ECH1: variants seen among roughly 807,000 people sequenced by gnomAD.
The protein encoded by ECH1 is delta(3,5)-Delta(2,4)-dienoyl-CoA isomerase, mitochondrial.
Under a neutral mutation model 37.0 loss-of-function variants are expected in ECH1, and 30 were observed. The ratio of observed to expected loss-of-function variants is 0.81; its 90% CI spans 0.61 to 1.10. The LOEUF (loss-of-function observed/expected upper bound fraction) is 1.10, where lower values mean the gene tolerates loss of function less well. ECH1 is among the 50% of genes least tolerant of loss of function. The pLI, the probability that ECH1 is intolerant of heterozygous loss-of-function variation, is 0.00. For missense variants in ECH1, 456 were observed against 441.6 expected (o/e 1.03, Z -0.29); for synonymous variants, 178 against 176.0 (o/e 1.01, Z -0.09).
At chr19:38,816,086 A>G (rs1294262369) in intron 8 of ECH1, 79 bp from the exon 9 acceptor site, 1 of 1,582,772 alleles carries the variant, frequency 6.3e-7, no homozygotes, top group African/African-American at 1.3e-5. Context: ...AGAAGTGGCC[A>G]CTCACAGAGG....
At position 38,825,905 on chromosome 19, in the gene ECH1, C is replaced by T. The variant is rs571519178; in HGVS notation, c.349+5173G>A. ...ATCCAACAACAGGACAGAGGGTGCC[C>T]GGGGCAAGCGCCAGCTCATGTCATC... On this transcript the variant is annotated intron_variant, in intron 3 of 9. Transcript: ENST00000221418. Among the ~76,000 whole-genome samples, 5 of 152,266 alleles carry T rather than the reference C, an allele frequency of 3.3e-5. No individual in the cohort carries two copies. The East Asian group carries it at 5.8e-4, about 18-fold the overall frequency.
At chr19:38,828,259 C>A (rs2145387191) in intron 3 of ECH1, among the ~76,000 whole-genome samples, 1 of 152,254 alleles carries the variant, frequency 6.6e-6, no homozygotes, top group Non-Finnish European at 1.5e-5. Context: ...GAGACAGAGT[C>A]TCGCTCTTGT....
Position 38,831,327 on chromosome 19 carries a change from A to G in ECH1, c.242T>C (p.Met81Thr), listed in dbSNP as rs761459364. The G allele has an allele frequency of 1.4e-5, 23 of 1,612,192 alleles. No individual in the cohort carries two copies. In the South Asian group the frequency reaches 2.2e-4, roughly 15 times the overall value. The change falls in exon 2 of 10, where the codon ATG (methionine) becomes ACG (threonine). Residue 81 changes from methionine to threonine, a missense_variant. Physicochemically the swap from Met to Thr is moderately conservative, Grantham distance 81. Coordinates refer to ENST00000221418, the MANE Select transcript of ECH1 (RefSeq NM_001398.3). Reference protein sequence around the residue: ...QLNRPNKRNAMNKVFWREMVE... With the variant: ...QLNRPNKRNATNKVFWREMVE... ...GTCAGACCTCCAGAAGACCTTGTTC[A>G]TGGCATTCCTCTTGTTGGGCCGGTT...
At chr19:38,825,845 G>A (rs138888942) in intron 3 of ECH1, among the ~76,000 whole-genome samples, 1,917 of 152,288 alleles carry the variant, frequency 0.013, 40 homozygotes, top group African/African-American at 0.044. Flanking sequence ...CCCAGCGGAC[G>A]AAGGTTCCCT....
intron 4 of ECH1, 30 bp downstream of exon 4, chr19:38,817,421 G>T: frequency 1.2e-6 from 2 of 1,611,840 alleles, no homozygotes; most frequent in Non-Finnish European, 1.7e-6. Context: ...CGCGTATGGA[G>T]AAAGATCCCC....
At chr19:38,817,022 C>A (rs746791198) in intron 6 of ECH1, 43 bp downstream of exon 6, 4 of 1,551,790 alleles carry the variant, frequency 2.6e-6, no homozygotes, top group African/African-American at 1.4e-5. Context: ...CCAACCTCAC[C>A]CCACTGCCCA....
rs1971822521 is a variant in ECH1 at position 38,831,421 on chromosome 19, CT to C, written c.147del (p.Ala50ProfsTer11). 1 of 1,613,936 alleles carries C rather than the reference CT, an allele frequency of 6.2e-7. No individual in the cohort carries two copies. On this transcript the variant is annotated frameshift_variant, in exon 2 of 10. Coordinates refer to ENST00000221418, the MANE Select transcript of ECH1 (RefSeq NM_001398.3). LOFTEE classifies it high-confidence loss of function. ...AGGGACTCATAGCTGTGGTCTGGGG[CT>C]TCACCGAGGGCTACTCCGGAAGCCT... ...QEEASGVALG[E>X]APDHSYESLR...
In ECH1 at chr19:38,829,285, C is replaced by CAA. The variant is rs35813067; in HGVS notation, c.349+1791_349+1792dup. ...GGTCAACAGAGTGAGACTCCTTCTC[C>CAA]AAAAAAAAAAAAAAAAAAAAAAAAA... is the stretch of plus-strand genomic sequence containing the variant. On this transcript the variant is annotated intron_variant, in intron 3 of 9. Coordinates refer to ENST00000221418, the MANE Select transcript of ECH1 (RefSeq NM_001398.3). Among the ~76,000 whole-genome samples the CAA allele has an allele frequency of 4.7e-3, 302 of 64,234 alleles. 9 individuals carry two copies. In the East Asian group the frequency reaches 0.067, roughly 14 times the overall value. The allele number at this position is 64,234 out of a possible 152,430, so 42.1% of individuals were successfully genotyped here. A position where few individuals can be genotyped will look rare whatever the true frequency, so the allele number is the denominator to read the frequency against.
At chr19:38,818,784 C>A (rs757123386) in intron 3 of ECH1, among the ~76,000 whole-genome samples, 2 of 152,220 alleles carry the variant, frequency 1.3e-5, no homozygotes, top group Non-Finnish European at 2.9e-5. Context: ...CCGTGCCCGG[C>A]CCAGACCCTC....
chr19:38,816,443 C>T lies in ECH1; in HGVS notation c.659+10G>A, dbSNP rs1488602619. ...TCTCCTGCCCACACCCCCACACCCC[C>T]TGCACCCACCTCTGGTTCCCGATGA... On this transcript the variant is annotated intron_variant, in intron 7 of 9. Coordinates refer to ENST00000221418, the MANE Select transcript of ECH1 (RefSeq NM_001398.3). 2 of 1,614,138 alleles carry T rather than the reference C, an allele frequency of 1.2e-6. No individual in the cohort carries two copies. Among genetic ancestry groups the T allele is most frequent in the Non-Finnish European group, 1.7e-6 (2 of 1,179,996 alleles).
At chr19:38,824,169 G>T (rs1971704830) in intron 3 of ECH1, among the ~76,000 whole-genome samples, 1 of 152,022 alleles carries the variant, frequency 6.6e-6, no homozygotes, top group Non-Finnish European at 1.5e-5. Context: ...CTTCATTTTT[G>T]GGGCATAACA....
At chr19:38,828,447 G>A (rs889392415) in intron 3 of ECH1, among the ~76,000 whole-genome samples, 16 of 149,184 alleles carry the variant, frequency 1.1e-4, no homozygotes, top group South Asian at 2.1e-4. Flanking sequence ...GGCCAGGCTA[G>A]TCTTGAACTC....
chr19:38,827,977 G>A (rs561732319), intron 3 of ECH1, among the ~76,000 whole-genome samples: 2 of 152,224 alleles, frequency 1.3e-5, no homozygotes, highest in African/African-American at 2.4e-5. Flanking sequence ...TTGGGAGGCC[G>A]AGTCAGGAGG....
intron 3 of ECH1, among the ~76,000 whole-genome samples, chr19:38,828,262 G>A (rs1452277566): frequency 2.6e-5 from 4 of 152,138 alleles, no homozygotes; most frequent in Admixed American, 1.3e-4. Context: ...ACAGAGTCTC[G>A]CTCTTGTCAC....
chr19:38,816,155 A>G, intron 8 of ECH1, 129 bp downstream of exon 8: 2 of 1,474,694 alleles, frequency 1.4e-6, no homozygotes, highest in Non-Finnish European at 1.8e-6. Flanking sequence ...CCCACAATAA[A>G]GAAATGAGCT....
At chr19:38,816,430 AC>A (rs749650209) in intron 7 of ECH1, 22 bp downstream of exon 7, 1 of 1,613,118 alleles carries the variant, frequency 6.2e-7, no homozygotes, top group South Asian at 1.1e-5. Flanking sequence ...TCCTGCCCAC[AC>A]CCCCACACCC....
At chr19:38,818,556 T>C (rs1971612205) in intron 3 of ECH1, 1 of 229,224 alleles carries the variant, frequency 4.4e-6, no homozygotes, top group South Asian at 1.6e-4. Context: ...TGGCAGGATC[T>C]CGGCTCAATG....
intron 3 of ECH1, among the ~76,000 whole-genome samples, chr19:38,822,556 T>C (rs540227562): frequency 1.3e-5 from 2 of 151,668 alleles, no homozygotes; most frequent in East Asian, 3.9e-4. Flanking sequence ...ATCAGCACTG[T>C]GTGTCTAGCT....
At chr19:38,824,168 T>G (rs1462433459) in intron 3 of ECH1, among the ~76,000 whole-genome samples, 1 of 152,316 alleles carries the variant, frequency 6.6e-6, no homozygotes, top group East Asian at 1.9e-4. Flanking sequence ...ACTTCATTTT[T>G]GGGGCATAAC....
Sources: gnomAD v4.1 joint callset for allele counts (sites outside exome capture counted in the v4.1 genomes callset) on GRCh38, gnomAD v4.1.1 for gene constraint, MANE v1.5 for transcripts, NCBI Gene and HGNC (gene_info 2026-07-23, HGNC 2026-07-21) for gene names.